SSBP3: variants seen among roughly 807,000 people sequenced by gnomAD.
The protein encoded by SSBP3 is single stranded DNA binding protein 3.
In SSBP3, 5 loss-of-function variants were observed where a neutral mutation model predicts 69.6. That is an observed-to-expected ratio of 0.07 (90% CI 0.04 to 0.15). The LOEUF (loss-of-function observed/expected upper bound fraction) is 0.15. Ranked by LOEUF, SSBP3 falls within the 10% of genes least tolerant of loss-of-function variation. The pLI, the probability that SSBP3 is intolerant of heterozygous loss-of-function variation, is 1.00. For synonymous variants in SSBP3, 196 were observed against 193.4 expected (o/e 1.01, Z -0.11); for missense variants, 312 against 534.0 (o/e 0.58, Z 4.10).
At chr1:54,230,428 G>C (rs571721625) in intron 14 of SSBP3, among the ~76,000 whole-genome samples, 2 of 152,262 alleles carry the variant, frequency 1.3e-5, no homozygotes, top group South Asian at 4.2e-4. Context: ...ACCTTAACAT[G>C]AATATGTCGC....
chr1:54,364,187 A>G (rs755493749), intron 4 of SSBP3, among the ~76,000 whole-genome samples: 2 of 152,210 alleles, frequency 1.3e-5, no homozygotes, highest in African/African-American at 2.4e-5. Context: ...TGTCCTGTCT[A>G]TGGCTGATTT....
chr1:54,383,976 G>A (rs1348133802), intron 4 of SSBP3, among the ~76,000 whole-genome samples: 3 of 151,944 alleles, frequency 2.0e-5, no homozygotes, highest in African/African-American at 4.8e-5. Context: ...CATGGTGGCA[G>A]GCGCCTGTAG....
intron 4 of SSBP3, among the ~76,000 whole-genome samples, chr1:54,309,492 A>AG (rs1030312862): frequency 3.9e-5 from 6 of 152,222 alleles, no homozygotes; most frequent in African/African-American, 1.2e-4. Context: ...ACTGATATCT[A>AG]GGGAAACATT....
chr1:54,299,706 T>G (rs1458460734), intron 4 of SSBP3, among the ~76,000 whole-genome samples: 1 of 152,216 alleles, frequency 6.6e-6, no homozygotes, highest in Non-Finnish European at 1.5e-5. Context: ...CTTCTCCATC[T>G]GCCATCTAGA....
At chr1:54,404,790 C>T in intron 2 of SSBP3, 68 bp downstream of exon 2, 3 of 1,128,290 alleles carry the variant, frequency 2.7e-6, no homozygotes, top group Non-Finnish European at 3.9e-6. Flanking sequence ...CTCCTGAAAA[C>T]AAAGGCTCTA....
Position 54,316,670 on chromosome 1 carries a change from AAAT to A in SSBP3, c.277-35146_277-35144del, listed in dbSNP as rs1158007404. On this transcript the variant is annotated intron_variant, in intron 4 of 17. Transcript: ENST00000610401. ...CTCAAAAAAAAAAAATAAAATAAAT[AAAT>A]AAATAAATAAATAAATAAATAAATA... Among the ~76,000 whole-genome samples, 1,045 of 46,476 alleles carry A rather than the reference AAAT, an allele frequency of 0.022. 139 individuals are homozygous for A. The East Asian group carries it at 0.25, about 11-fold the overall frequency. The allele number at this position is 46,476 out of a possible 152,430, so 30.5% of individuals were successfully genotyped here. A position where few individuals can be genotyped will look rare whatever the true frequency, so the allele number is the denominator to read the frequency against.
At chr1:54,405,921 G>C (rs774855705) in intron 1 of SSBP3, 32 bp downstream of exon 1, 5 of 1,179,004 alleles carry the variant, frequency 4.2e-6, no homozygotes, top group Admixed American at 6.2e-5. Flanking sequence ...GCCCGGCGGC[G>C]GCGCGGCCGC....
chr1:54,361,714 G>A (rs540980024), intron 4 of SSBP3, among the ~76,000 whole-genome samples: 2 of 152,166 alleles, frequency 1.3e-5, no homozygotes, highest in African/African-American at 4.8e-5. Context: ...TATCAACAGA[G>A]CATCTACAAG....
intron 4 of SSBP3, among the ~76,000 whole-genome samples, chr1:54,316,729 T>TA (rs1433186083): frequency 6.9e-6 from 1 of 144,040 alleles, no homozygotes; most frequent in Non-Finnish European, 1.5e-5. Flanking sequence ...TAAAATAAAA[T>TA]AAAAATGTCT....
intron 4 of SSBP3, among the ~76,000 whole-genome samples, chr1:54,335,610 A>G (rs1456369554): frequency 1.3e-5 from 2 of 152,130 alleles, no homozygotes; most frequent in South Asian, 2.1e-4. Flanking sequence ...CACAACATTT[A>G]AAGTCTATCT....
At chr1:54,251,544 C>A in intron 9 of SSBP3, 72 bp downstream of exon 9, 1 of 1,450,502 alleles carries the variant, frequency 6.9e-7, no homozygotes, top group Non-Finnish European at 9.4e-7. Flanking sequence ...ACTGACAGAG[C>A]ATGGAAACAG....
chr1:54,316,448 G>A (rs923726329), intron 4 of SSBP3, among the ~76,000 whole-genome samples: 1 of 147,908 alleles, frequency 6.8e-6, no homozygotes, highest in Admixed American at 6.7e-5. Context: ...GACCATCCTG[G>A]CTAACAAGGT....
Position 54,258,150 on chromosome 1 carries a change from CT to C in SSBP3, c.367-2del. The stretch of plus-strand genomic sequence containing the variant: ...GCGAGGGCTGTGACCCCGGAGGACC[CT>C]GTGAGGCCAGACAGTAGAGGCAGGT... On this transcript the variant is annotated splice_acceptor_variant, in intron 5 of 17. Transcript: ENST00000610401. LOFTEE classifies it high-confidence loss of function. The surrounding 1 kb of genome is among the most constrained non-coding windows in gnomAD (Gnocchi z 4.5). The C allele has an allele frequency of 1.3e-6, 2 of 1,586,858 alleles. No individual in the cohort carries two copies. Among genetic ancestry groups the C allele is most frequent in the Non-Finnish European group, 1.7e-6 (2 of 1,167,656 alleles).
intron 4 of SSBP3, among the ~76,000 whole-genome samples, chr1:54,337,460 AC>A (rs1215416147): frequency 7.2e-6 from 1 of 138,910 alleles, no homozygotes; most frequent in Non-Finnish European, 1.5e-5. Context: ...GGTTGGCTGA[AC>A]CAAAGCATTT....
intron 4 of SSBP3, among the ~76,000 whole-genome samples, chr1:54,396,149 G>A (rs983309781): frequency 4.5e-5 from 6 of 134,218 alleles, no homozygotes; most frequent in Admixed American, 1.7e-4. Flanking sequence ...CCAAGATCGC[G>A]CCATGGCACT....
chr1:54,240,037 A>G (rs1644578102), intron 13 of SSBP3, among the ~76,000 whole-genome samples: 1 of 139,654 alleles, frequency 7.2e-6, no homozygotes, highest in Non-Finnish European at 1.6e-5. Context: ...AAGAAACATA[A>G]TTGTGATGGG....
chr1:54,366,318 T>A lies in SSBP3; in HGVS notation c.276+35543A>T, dbSNP rs79083894. On this transcript the variant is annotated intron_variant, in intron 4 of 17. Coordinates refer to ENST00000610401, the Ensembl canonical transcript of SSBP3. ...CCCAGTCCCTTTCCTGAGTACCTGGTACAGTATATTTGCACCATATACTGG... is the reference window on the plus strand; with the variant it reads ...CCCAGTCCCTTTCCTGAGTACCTGGAACAGTATATTTGCACCATATACTGG... Among the ~76,000 whole-genome samples the A allele has an allele frequency of 5.9e-3, 894 of 152,282 alleles. 42 individuals are homozygous for A. The East Asian group carries it at 0.13, about 23-fold the overall frequency.
At chr1:54,397,838 CT>C (rs1473581763) in intron 4 of SSBP3, among the ~76,000 whole-genome samples, 2 of 152,152 alleles carry the variant, frequency 1.3e-5, no homozygotes, top group African/African-American at 4.8e-5. Flanking sequence ...CACATTTTCC[CT>C]GCCAAAAGTT....
intron 4 of SSBP3, among the ~76,000 whole-genome samples, chr1:54,288,105 G>A (rs535222454): frequency 7.2e-5 from 11 of 152,270 alleles, no homozygotes; most frequent in East Asian, 1.9e-4. Context: ...AGAAGGGGGC[G>A]GGCTGTGATA....
Sources: gnomAD v4.1 joint callset for allele counts (sites outside exome capture counted in the v4.1 genomes callset) on GRCh38, gnomAD v4.1.1 for gene constraint, Gnocchi (gnomAD v3.1) non-coding constraint, MANE v1.5 for transcripts, NCBI Gene and HGNC (gene_info 2026-07-23, HGNC 2026-07-21) for gene names.